The following GMDS variants were observed in gnomAD, a reference collection of about 807,000 sequenced individuals.
GMDS encodes GDP-mannose 4,6 dehydratase.
In GMDS, 20 loss-of-function variants were observed where a neutral mutation model predicts 49.9. The ratio of observed to expected loss-of-function variants is 0.40; its 90% CI spans 0.28 to 0.58. The LOEUF (loss-of-function observed/expected upper bound fraction) is 0.58. GMDS is among the 20% of genes least tolerant of loss of function. The pLI is 0.42. For synonymous variants in GMDS, 177 were observed against 178.6 expected (o/e 0.99, Z 0.07); for missense variants, 362 against 481.4 (o/e 0.75, Z 2.32).
At chr6:2,147,843 A>T (rs1776642255) in intron 1 of GMDS, among the ~76,000 whole-genome samples, 1 of 148,314 alleles carries the variant, frequency 6.7e-6, no homozygotes, top group Non-Finnish European at 1.5e-5. Flanking sequence ...AAGTCCCCTG[A>T]GCATACTAGA....
intron 6 of GMDS, chr6:1,930,463 T>G (rs9791363): frequency 0.45 from 167,621 of 376,538 alleles, 38,608 homozygotes; most frequent in Middle Eastern, 0.5. Flanking sequence ...AACAAACGTT[T>G]TTCTTTGGGG....
chr6:1,746,036 C>T (rs148059010), intron 7 of GMDS, among the ~76,000 whole-genome samples: 671 of 152,340 alleles, frequency 4.4e-3, no homozygotes, highest in Admixed American at 9.1e-3. Context: ...CGTTGATGTG[C>T]TCCATTGATT....
intron 9 of GMDS, among the ~76,000 whole-genome samples, chr6:1,697,090 C>T (rs1014207551): frequency 1.3e-5 from 2 of 152,194 alleles, no homozygotes; most frequent in Non-Finnish European, 2.9e-5. Context: ...TTACTTCAGA[C>T]AATGGCAGCT....
intron 4 of GMDS, among the ~76,000 whole-genome samples, chr6:2,065,257 C>T (rs1771492250): frequency 6.9e-6 from 1 of 145,012 alleles, no homozygotes; most frequent in South Asian, 2.2e-4. Context: ...GACATCCACA[C>T]CAAAAACCCA....
intron 7 of GMDS, among the ~76,000 whole-genome samples, chr6:1,790,393 AAAG>A (rs1252943142): frequency 1.3e-5 from 2 of 152,216 alleles, no homozygotes; most frequent in Non-Finnish European, 2.9e-5. Context: ...TTTATTTTAT[AAAG>A]AAGCAAAAGT....
intron 9 of GMDS, among the ~76,000 whole-genome samples, chr6:1,678,084 G>C (rs1764680793): frequency 6.6e-6 from 1 of 151,746 alleles, no homozygotes. Context: ...TGCTGCTCTG[G>C]TTTTTATTAG....
intron 9 of GMDS, among the ~76,000 whole-genome samples, chr6:1,683,216 C>G (rs1034068330): frequency 6.6e-6 from 1 of 152,086 alleles, no homozygotes; most frequent in South Asian, 2.1e-4. Context: ...CTCTGCCTCC[C>G]GGGTTCACAC....
intron 7 of GMDS, among the ~76,000 whole-genome samples, chr6:1,811,040 G>A (rs575284293): frequency 1.2e-4 from 18 of 152,016 alleles, no homozygotes; most frequent in Non-Finnish European, 2.2e-4. Flanking sequence ...AATTGTTTTA[G>A]GAAGATTCTG....
intron 7 of GMDS, among the ~76,000 whole-genome samples, chr6:1,795,628 T>C (rs1032142759): frequency 2.6e-5 from 4 of 152,142 alleles, no homozygotes; most frequent in African/African-American, 9.7e-5. Context: ...CAGGAGGAAA[T>C]ATGCTTTGAA....
At chr6:1,840,704 G>C (rs1004048956) in intron 7 of GMDS, among the ~76,000 whole-genome samples, 3 of 152,162 alleles carry the variant, frequency 2.0e-5, no homozygotes, top group African/African-American at 4.8e-5. Flanking sequence ...TGGAGACCGG[G>C]CTCTGGTGGC....
At chr6:1,885,587 T>C (rs1243487024) in intron 7 of GMDS, among the ~76,000 whole-genome samples, 1 of 152,182 alleles carries the variant, frequency 6.6e-6, no homozygotes, top group Non-Finnish European at 1.5e-5. Context: ...CAGTGGAAAG[T>C]GACGTGACAA....
intron 4 of GMDS, among the ~76,000 whole-genome samples, chr6:2,068,797 C>A (rs1465680650): frequency 6.6e-6 from 1 of 152,116 alleles, no homozygotes; most frequent in African/African-American, 2.4e-5. Context: ...ACATTCCATG[C>A]TCATGGGTAG....
chr6:2,001,747 C>T (rs1348229342), intron 4 of GMDS, among the ~76,000 whole-genome samples: 4 of 152,112 alleles, frequency 2.6e-5, no homozygotes, highest in African/African-American at 9.7e-5. Context: ...TGTCTAGGAT[C>T]GACTGATTTC....
intron 9 of GMDS, among the ~76,000 whole-genome samples, chr6:1,677,688 T>C (rs977562652): frequency 6.6e-6 from 1 of 150,758 alleles, no homozygotes; most frequent in Non-Finnish European, 1.5e-5. Flanking sequence ...GAGCAAACGA[T>C]CGCAAGGACA....
chr6:2,242,752 T>C (rs1781670923), intron 1 of GMDS, among the ~76,000 whole-genome samples: 1 of 152,226 alleles, frequency 6.6e-6, no homozygotes, highest in Non-Finnish European at 1.5e-5. Flanking sequence ...AGGGAACATA[T>C]TTAACCTTAC....
chr6:1,960,070 A>G (rs1231844951), intron 5 of GMDS, 99 bp from the exon 6 acceptor site: 1 of 605,372 alleles, frequency 1.7e-6, no homozygotes, highest in Non-Finnish European at 2.9e-6. Flanking sequence ...AATAACTTGT[A>G]ATGCATCCAA....
intron 9 of GMDS, among the ~76,000 whole-genome samples, chr6:1,642,294 G>A (rs925732400): frequency 6.6e-6 from 1 of 151,428 alleles, no homozygotes; most frequent in Admixed American, 6.6e-5. Flanking sequence ...AGGTTCCCAA[G>A]CAGCTGGGAC....
intron 7 of GMDS, among the ~76,000 whole-genome samples, chr6:1,866,529 C>A (rs1311483414): frequency 1.4e-4 from 21 of 152,186 alleles, no homozygotes; most frequent in Admixed American, 1.4e-3. Flanking sequence ...TCAGTTTACT[C>A]CTGAGCAGCA....
At chr6:1,913,199 G>A (rs2087709343) in intron 7 of GMDS, among the ~76,000 whole-genome samples, 1 of 151,676 alleles carries the variant, frequency 6.6e-6, no homozygotes, top group East Asian at 1.9e-4. Context: ...GGCTAAAACG[G>A]TGAAACCCCG....
Sources: gnomAD v4.1 joint callset for allele counts (sites outside exome capture counted in the v4.1 genomes callset) on GRCh38, gnomAD v4.1.1 for gene constraint, MANE v1.5 for transcripts, NCBI Gene and HGNC (gene_info 2026-07-23, HGNC 2026-07-21) for gene names.